Variants in SPTBN1 observed in about 807,000 individuals in gnomAD.
The protein encoded by SPTBN1 is spectrin beta, non-erythrocytic 1, also known as spectrin beta chain, non-erythrocytic 1.
In SPTBN1, 32 loss-of-function variants were observed where a neutral mutation model predicts 266.4. The observed-to-expected ratio is 0.12, with a 90% CI of 0.09 to 0.16. The LOEUF is 0.16. Ranked by LOEUF, SPTBN1 falls within the 10% of genes least tolerant of loss-of-function variation. SPTBN1 has a pLI of 1.00. For missense variants in SPTBN1, 2,296 were observed against 3,067.1 expected, an observed-to-expected ratio of 0.75 and a Z score of 5.94; for synonymous variants, 1,336 against 1,162.2, an observed-to-expected ratio of 1.15 and a Z score of -3.04.
chr2:54,645,899 T>C lies in SPTBN1; in HGVS notation c.4495-29T>C. 1 of 1,611,412 alleles carries C rather than the reference T, an allele frequency of 6.2e-7. No individual in the cohort carries two copies. Among genetic ancestry groups the C allele is most frequent in the Non-Finnish European group, 8.5e-7 (1 of 1,177,618 alleles). ...TCGTATATTTGTTCCTCTGAGTGGA[T>C]CTGACCACTTATTTAAAATTCTTCC... On this transcript the variant is annotated intron_variant, in intron 21 of 35. Transcript: ENST00000356805. This position sits in a 1 kb window ranked among gnomAD's most constrained non-coding sequence, Gnocchi z 4.3.
chr2:54,667,741 A>T (rs918644215), intron 35 of SPTBN1, 95 bp downstream of exon 35: 9 of 1,122,334 alleles, frequency 8.0e-6, no homozygotes, highest in Non-Finnish European at 1.1e-5. Flanking sequence ...CATGTAAATG[A>T]TGATCAGTGA....
At position 54,504,176 on chromosome 2, in the gene SPTBN1, C is replaced by T. The variant is rs1179136125; in HGVS notation, c.-47-22196C>T. 2.0e-5 allele frequency among the ~76,000 whole-genome samples: 3 copies of T among 152,256 alleles called. No homozygotes were observed. In the South Asian group the frequency reaches 6.2e-4, roughly 32 times the overall value. ...TAGGAAAACTACTTTCTGAGGTGCC[C>T]CCACCTCCCCTCCTTCCAACCTGAA... is the stretch of plus-strand genomic sequence containing the variant. On this transcript the variant is annotated intron_variant, in intron 1 of 35. Coordinates refer to ENST00000356805, the MANE Select transcript of SPTBN1 (RefSeq NM_003128.3).
At chr2:54,619,741 C>G (rs1677868319) in intron 7 of SPTBN1, among the ~76,000 whole-genome samples, 1 of 152,190 alleles carries the variant, frequency 6.6e-6, no homozygotes, top group Admixed American at 6.5e-5. Context: ...AGTTCACTCT[C>G]CTTTGTGCAC....
chr2:54,518,621 T>A (rs200678075), intron 1 of SPTBN1, among the ~76,000 whole-genome samples: 1 of 152,210 alleles, frequency 6.6e-6, no homozygotes, highest in African/African-American at 2.4e-5. Flanking sequence ...CAGTGTACAC[T>A]TTTTCAAGTC....
chr2:54,562,177 A>G (rs541175479), intron 2 of SPTBN1, among the ~76,000 whole-genome samples: 143 of 152,360 alleles, frequency 9.4e-4, no homozygotes, highest in African/African-American at 3.3e-3. Flanking sequence ...TCCCATATTT[A>G]GAGAACTGTG....
At chr2:54,621,957 G>C (rs1381445011) in intron 8 of SPTBN1, among the ~76,000 whole-genome samples, 1 of 152,152 alleles carries the variant, frequency 6.6e-6, no homozygotes, top group Non-Finnish European at 1.5e-5. Flanking sequence ...GGCATTTATG[G>C]GACAGGATCA....
At chr2:54,587,752 G>A (rs1026271997) in intron 2 of SPTBN1, among the ~76,000 whole-genome samples, 1 of 152,116 alleles carries the variant, frequency 6.6e-6, no homozygotes, top group African/African-American at 2.4e-5. Context: ...CTAGCCTGTG[G>A]TGATTACCAT....
chr2:54,645,790 C>A lies in SPTBN1; in HGVS notation c.4495-138C>A. 1 of 872,510 alleles carries A rather than the reference C, an allele frequency of 1.1e-6. No individual in the cohort carries two copies. Among genetic ancestry groups the A allele is most frequent in the Non-Finnish European group, 1.8e-6 (1 of 561,966 alleles). 54.0% of individuals were successfully genotyped at this position (872,510 alleles called of 1,614,324 possible). On this transcript the variant is annotated intron_variant, in intron 21 of 35. Transcript: ENST00000356805. The surrounding 1 kb of genome is among the most constrained non-coding windows in gnomAD (Gnocchi z 4.3). ...TGTCTCGGAGAACAAGGGCGTGCTT[C>A]CCCAGACAGCCCTCCCGAGGGGGCT...
rs563969324 is a variant in SPTBN1 at position 54,510,811 on chromosome 2, GT to G, written c.-47-15555del. Among the ~76,000 whole-genome samples, 927 of 152,306 alleles carry G rather than the reference GT, an allele frequency of 6.1e-3. 6 individuals are homozygous for G. Among genetic ancestry groups the G allele is most frequent in the Non-Finnish European group, 8.1e-3 (550 of 68,008 alleles). On this transcript the variant is annotated intron_variant, in intron 1 of 35. Transcript: ENST00000356805. ...TGGATGCCCTGATCTTTTCTTCTAAGTTTTTTCCCCCTACTGGGAGAACGCA... is the reference window on the plus strand; with the variant it reads ...TGGATGCCCTGATCTTTTCTTCTAAGTTTTTCCCCCTACTGGGAGAACGCA...
intron 1 of SPTBN1, among the ~76,000 whole-genome samples, chr2:54,494,921 A>ATT (rs1417921026): frequency 6.6e-6 from 1 of 151,398 alleles, no homozygotes; most frequent in African/African-American, 2.4e-5. Flanking sequence ...TTTTTTTAAA[A>ATT]AAAAAAAAAT....
chr2:54,502,888 G>A lies in SPTBN1; in HGVS notation c.-47-23484G>A, dbSNP rs546250636. ...GTTGGCTTTGCCCTCATTGTGTCAG[G>A]AATGAGCTCTGCACGGACTCAGAGA... On this transcript the variant is annotated intron_variant, in intron 1 of 35. Transcript: ENST00000356805. 7.9e-5 allele frequency among the ~76,000 whole-genome samples: 12 copies of A among 152,288 alleles called. No individual in the cohort carries two copies. The South Asian group carries it at 2.5e-3, about 32-fold the overall frequency.
chr2:54,664,531 A>G lies in SPTBN1; in HGVS notation c.6499A>G (p.Ile2167Val), dbSNP rs1052067095. 3 of 1,613,964 alleles carry G rather than the reference A, an allele frequency of 1.9e-6. No individual in the cohort carries two copies. The highest frequency in any genetic ancestry group is 2.5e-6 in the Non-Finnish European group (3 of 1,180,014). The change falls in exon 33 of 36, where the codon ATC becomes GTC. Residue 2167 changes from isoleucine to valine, a missense_variant. Physicochemically the swap from Ile to Val is conservative, Grantham distance 29. Transcript: ENST00000356805. This position sits in a 1 kb window ranked among gnomAD's most constrained non-coding sequence, Gnocchi z 5.6. ...GACGAGCTCTAAAGAGTCCAGCCCC[A>G]TCCCCTCCCCGACCTCTGATCGTAA... ...QRTSSKESSP[I>V]PSPTSDRKAK...
chr2:54,518,766 A>G (rs771894988), intron 1 of SPTBN1, among the ~76,000 whole-genome samples: 1 of 152,102 alleles, frequency 6.6e-6, no homozygotes, highest in Non-Finnish European at 1.5e-5. Flanking sequence ...CATTTTATTT[A>G]ATTTATTTGA....
chr2:54,482,861 C>G (rs1350977246), intron 1 of SPTBN1, among the ~76,000 whole-genome samples: 2 of 152,220 alleles, frequency 1.3e-5, no homozygotes, highest in Admixed American at 6.5e-5. Flanking sequence ...CTTGGCAGTA[C>G]TGAGTCACTC....
At chr2:54,488,779 T>A (rs187185681) in intron 1 of SPTBN1, among the ~76,000 whole-genome samples, 240 of 152,050 alleles carry the variant, frequency 1.6e-3, no homozygotes, top group Non-Finnish European at 2.5e-3. Flanking sequence ...TTCACACTCT[T>A]CTGTGAATTA....
intron 32 of SPTBN1, chr2:54,662,361 T>C (rs1354388882): frequency 1.0e-6 from 1 of 979,236 alleles, no homozygotes; most frequent in African/African-American, 1.8e-5. Context: ...TAATGATCTC[T>C]GCATACTGGT....
intron 11 of SPTBN1, 141 bp from the exon 12 acceptor site, chr2:54,625,791 A>G (rs1319174537): frequency 2.1e-5 from 19 of 887,848 alleles, no homozygotes; most frequent in South Asian, 8.9e-5. Flanking sequence ...GGGTTTCACA[A>G]TGTTGGCCAG....
intron 28 of SPTBN1, 55 bp from the exon 29 acceptor site, chr2:54,655,859 A>G (rs1572766076): frequency 2.2e-6 from 3 of 1,356,904 alleles, no homozygotes; most frequent in East Asian, 4.7e-5. Context: ...TGACCCCATC[A>G]AGAGGATGTG....
rs1220167830 is a variant in SPTBN1, at chr2:54,658,089, G to A, written c.6243+43G>A. ...CCTTTGTCTGTTGGTGCCCTGGGCA[G>A]CCTTTTCTTCCTGCTTGCCTCTTAG... is the stretch of plus-strand genomic sequence containing the variant. On this transcript the variant is annotated intron_variant, in intron 30 of 35. Coordinates refer to ENST00000356805, the MANE Select transcript of SPTBN1 (RefSeq NM_003128.3). The A allele has an allele frequency of 2.5e-6, 4 of 1,608,776 alleles. No homozygotes were observed. The East Asian group carries it at 8.9e-5, about 36-fold the overall frequency.
Sources: gnomAD v4.1 joint callset for allele counts (sites outside exome capture counted in the v4.1 genomes callset) on GRCh38, gnomAD v4.1.1 for gene constraint, Gnocchi (gnomAD v3.1) non-coding constraint, MANE v1.5 for transcripts, NCBI Gene and HGNC (gene_info 2026-07-23, HGNC 2026-07-21) for gene names.